SLC7A3: variants seen among roughly 807,000 people sequenced by gnomAD.
SLC7A3 encodes the protein cationic amino acid transporter 3.
In SLC7A3, 3 loss-of-function variants were observed where a neutral mutation model predicts 33.2. The ratio of observed to expected loss-of-function variants is 0.09; its 90% confidence interval spans 0.04 to 0.23. SLC7A3 has a LOEUF of 0.23. Among genes scored for constraint, SLC7A3 ranks in the 10% least tolerant of loss-of-function variants. The pLI is 1.00. For missense variants in SLC7A3, 360 were observed against 488.8 expected, an observed-to-expected ratio of 0.74 and a Z score of 2.48; for synonymous variants, 193 against 195.1, an observed-to-expected ratio of 0.99 and a Z score of 0.09.
chrX:70,929,443 C>T (rs913830410), intron 2 of SLC7A3, among the ~76,000 whole-genome samples, 185 bp downstream of exon 2: 12 of 109,224 alleles, frequency 1.1e-4, no homozygotes, highest in African/African-American at 4.0e-4. Context: ...GAAACCAGGA[C>T]GGAGATGGAT....
At chrX:70,926,318 C>A in intron 10 of SLC7A3, 140 bp from the exon 11 acceptor site, 1 of 658,580 alleles carries the variant, frequency 1.5e-6, no homozygotes, top group South Asian at 2.9e-5. Context: ...TAGCATACCT[C>A]ATGAGACTCC....
chrX:70,930,817 G>A (rs2091909560), intron 1 of SLC7A3, among the ~76,000 whole-genome samples, 160 bp downstream of exon 1: 1 of 111,862 alleles, frequency 8.9e-6, no homozygotes, highest in Non-Finnish European at 1.9e-5. Flanking sequence ...TTTGGAGCTG[G>A]GGTGGAGACG....
intron 2 of SLC7A3, among the ~76,000 whole-genome samples, chrX:70,929,354 G>T (rs1270555445): frequency 8.9e-6 from 1 of 111,952 alleles, no homozygotes; most frequent in East Asian, 2.8e-4. Context: ...GCTTCCCAAA[G>T]TGTTGGGATT....
At chrX:70,930,518 C>A in intron 1 of SLC7A3, among the ~76,000 whole-genome samples, 1 of 111,840 alleles carries the variant, frequency 8.9e-6, no homozygotes. Context: ...AAAGTGAGCA[C>A]CGACTCAATT....
intron 5 of SLC7A3, 57 bp downstream of exon 5, chrX:70,928,088 T>C (rs2091901313): frequency 1.1e-5 from 13 of 1,187,561 alleles, no homozygotes; most frequent in Non-Finnish European, 1.5e-5. Flanking sequence ...CCAGTCTGCA[T>C]ACAGCCTGGG....
Position 70,928,553 on chromosome X carries a change from C to A in SLC7A3, c.610G>T (p.Val204Phe), listed in dbSNP as rs776425784. 9 of 1,204,617 alleles carry A rather than the reference C, an allele frequency of 7.5e-6. No individual in the cohort carries two copies. The highest frequency in any genetic ancestry group is 1.0e-5 in the Non-Finnish European group (9 of 892,665). ...TGVNLLVLGF[V>F]MISGFVKGDV... Reference sequence around the variant, plus strand: ...CCCTTAACGAAGCCAGAGATCATGACGAACCCAAGAACCAAAAGGTTCACG... The same window carrying A: ...CCCTTAACGAAGCCAGAGATCATGAAGAACCCAAGAACCAAAAGGTTCACG... The change falls in exon 4 of 12, where the codon GTC becomes TTC. Residue 204 changes from valine (V) to phenylalanine (F), a missense_variant. Val to Phe is a conservative substitution (Grantham distance 50). Transcript: ENST00000374299.
At chrX:70,927,156 G>T in intron 8 of SLC7A3, 115 bp from the exon 9 acceptor site, 1 of 1,060,712 alleles carries the variant, frequency 9.4e-7, no homozygotes, top group Non-Finnish European at 1.3e-6. Flanking sequence ...TTGGCAGGGT[G>T]AGATACCCAG....
chrX:70,927,121 T>C, intron 8 of SLC7A3, 80 bp from the exon 9 acceptor site: 1 of 1,119,857 alleles, frequency 8.9e-7, no homozygotes, highest in South Asian at 2.1e-5. Flanking sequence ...TTAACCTTCC[T>C]CATCACCATT....
intron 2 of SLC7A3, 94 bp downstream of exon 2, chrX:70,929,534 T>C: frequency 9.6e-7 from 1 of 1,042,036 alleles, no homozygotes; most frequent in Non-Finnish European, 1.3e-6. Flanking sequence ...ATTGAGGTCC[T>C]GTGAATAATA....
intron 1 of SLC7A3, among the ~76,000 whole-genome samples, chrX:70,930,543 C>A (rs1202824444): frequency 8.9e-6 from 1 of 112,027 alleles, no homozygotes; most frequent in African/African-American, 3.2e-5. Context: ...CCCTCCTCAC[C>A]AAGCCCACAC....
rs1435765596 is a variant in SLC7A3, at chrX:70,928,442, A to G, written c.707+14T>C. The G allele has an allele frequency of 8.4e-7, 1 of 1,194,536 alleles. No homozygotes were observed. Among genetic ancestry groups the G allele is most frequent in the South Asian group, 1.8e-5 (1 of 54,431 alleles). On this transcript the variant is annotated intron_variant, in intron 4 of 11. Coordinates refer to ENST00000374299, the MANE Select transcript of SLC7A3 (RefSeq NM_032803.6). ...TTTTCCCAGCTCTGCAGCTCCTAAGAGTGACCATCTAACCTATAGGTGTCA... is the reference window on the plus strand; with the variant it reads ...TTTTCCCAGCTCTGCAGCTCCTAAGGGTGACCATCTAACCTATAGGTGTCA...
rs754430943 is a variant in SLC7A3 at position 70,928,901 on chromosome X, G to C, written c.472C>G (p.His158Asp). 6.6e-6 allele frequency: 8 copies of C among 1,211,446 alleles called. No homozygotes were observed. Among genetic ancestry groups the C allele is most frequent in the Non-Finnish European group, 8.9e-6 (8 of 895,355 alleles). Residue 158 changes from histidine to aspartate, a missense_variant, in exon 3 of 12, where the codon CAT (histidine) becomes GAT (aspartate). His to Asp is a moderately conservative substitution (Grantham distance 81). Coordinates refer to ENST00000374299, the MANE Select transcript of SLC7A3 (RefSeq NM_032803.6). ...LQGSIALHVP[H>D]VLAEYPDFFA... ...AAATCTGGATATTCTGCAAGGACAT[G>C]GGGCACGTGCAGTGCAATGGACCCC...
At chrX:70,926,813 C>T (rs930585312) in intron 9 of SLC7A3, 62 bp downstream of exon 9, 6 of 1,175,175 alleles carry the variant, frequency 5.1e-6, no homozygotes, top group Non-Finnish European at 6.8e-6. Context: ...CCACCAAATG[C>T]CACACACTTC....
chrX:70,926,807 C>A (rs1602236626), intron 9 of SLC7A3, 68 bp downstream of exon 9: 2 of 1,173,530 alleles, frequency 1.7e-6, no homozygotes, highest in East Asian at 6.0e-5. Context: ...CCTCAGCCAC[C>A]AAATGCCACA....
At chrX:70,928,098 G>GCA (rs765134664) in intron 5 of SLC7A3, 47 bp downstream of exon 5, 42 of 1,188,429 alleles carry the variant, frequency 3.5e-5, no homozygotes, top group Non-Finnish European at 4.7e-5. Flanking sequence ...TACAGCCTGG[G>GCA]CACACACTGT....
chrX:70,929,527 G>T, intron 2 of SLC7A3, 101 bp downstream of exon 2: 1 of 1,002,038 alleles, frequency 1.0e-6, no homozygotes, highest in Non-Finnish European at 1.3e-6. Context: ...TAGGGAGATT[G>T]AGGTCCTGTG....
chrX:70,926,674 A>T lies in SLC7A3; in HGVS notation c.1473T>A (p.Leu491=). ...CTGACCACTGGGCCAGCACCAGGCA[A>T]AGAGCAGTCAGCAGGACAGCTTCAA... ...SSLLAVLLTA[L]CLVLAQWSVP... The change falls in exon 10 of 12, where the codon CTT becomes CTA. Residue 491 remains leucine (L), a synonymous_variant. Transcript: ENST00000374299. 1 of 1,188,929 alleles carries T rather than the reference A, an allele frequency of 8.4e-7. No homozygotes were observed. The highest frequency in any genetic ancestry group is 1.1e-6 in the Non-Finnish European group (1 of 884,628).
At chrX:70,930,087 T>G in intron 1 of SLC7A3, 65 bp from the exon 2 acceptor site, 1 of 1,046,267 alleles carries the variant, frequency 9.6e-7, no homozygotes, top group Non-Finnish European at 1.3e-6. Context: ...GAAAGCGAAT[T>G]ACAAGACCCC....
Position 70,927,010 on chromosome X carries a change from C to T in SLC7A3, c.1318G>A (p.Glu440Lys), listed in dbSNP as rs755844817. The change falls in exon 9 of 12, where the codon GAA (glutamate) becomes AAA (lysine). Residue 440 changes from glutamate to lysine, a missense_variant. Physicochemically the swap from Glu to Lys is moderately conservative, Grantham distance 56 (BLOSUM62 1). Coordinates refer to ENST00000374299, the MANE Select transcript of SLC7A3 (RefSeq NM_032803.6). Reference protein sequence around the residue: ...YQPDQETKTGEEVELQEEAIT... With the variant: ...YQPDQETKTGKEVELQEEAIT... Reference sequence around the variant, plus strand: ...GCCTCCTCCTGCAACTCCACTTCTTCCCCAGTCTTTGTCTCCTGATCAGGT... The same window carrying T: ...GCCTCCTCCTGCAACTCCACTTCTTTCCCAGTCTTTGTCTCCTGATCAGGT... 8.3e-7 allele frequency: 1 copy of T among 1,208,583 alleles called. No homozygotes were observed. Among genetic ancestry groups the T allele is most frequent in the African/African-American group, 1.7e-5 (1 of 57,251 alleles).
Sources: gnomAD v4.1 joint callset for allele counts (sites outside exome capture counted in the v4.1 genomes callset) on GRCh38, gnomAD v4.1.1 for gene constraint, MANE v1.5 for transcripts, NCBI Gene and HGNC (gene_info 2026-07-23, HGNC 2026-07-21) for gene names.